Variants in HMOX1 observed in about 807,000 individuals in gnomAD.
The protein encoded by HMOX1 is heme oxygenase 1, also known as heat shock protein, 32-kD.
HMOX1 carries 22 observed loss-of-function variants against 27.8 expected under a neutral mutation model. The ratio of observed to expected loss-of-function variants is 0.79; its 90% CI spans 0.57 to 1.13. The LOEUF is 1.13. HMOX1 is among the 50% of genes most tolerant of loss of function. The pLI is 0.00. For missense variants in HMOX1, 379 were observed against 377.7 expected (o/e 1.00, Z -0.03); for synonymous variants, 153 against 151.6 (o/e 1.01, Z -0.07).
At chr22:35,381,292 A>G in intron 1 of HMOX1, 96 bp downstream of exon 1, 2 of 1,408,430 alleles carry the variant, frequency 1.4e-6, no homozygotes, top group Non-Finnish European at 1.9e-6. Context: ...ACAGCGACAG[A>G]GCCCAGGAGC....
chr22:35,382,102 G>A (rs1931398649), intron 1 of HMOX1, among the ~76,000 whole-genome samples: 2 of 152,082 alleles, frequency 1.3e-5, no homozygotes, highest in Non-Finnish European at 1.5e-5. Flanking sequence ...ATTAAATATT[G>A]GGTCTAAAAG....
chr22:35,388,694 G>A (rs1309978721), intron 3 of HMOX1, among the ~76,000 whole-genome samples: 1 of 152,034 alleles, frequency 6.6e-6, no homozygotes, highest in Non-Finnish European at 1.5e-5. Flanking sequence ...CTACTCAGGA[G>A]GCTGAGGCAG....
rs867711965 is a variant in HMOX1 at position 35,382,715 on chromosome 22, C to T, written c.24-391C>T. ...AGATGGAGTCTCTCTGTCACCAAGT[C>T]TGGAGTGCAGTGGTGTGATCTCAGC... On this transcript the variant is annotated intron_variant, in intron 1 of 4. Transcript: ENST00000216117. Among the ~76,000 whole-genome samples, 6 of 149,892 alleles carry T rather than the reference C, an allele frequency of 4.0e-5. No individual in the cohort carries two copies. In the Middle Eastern group the frequency reaches 0.018, roughly 443 times the overall value.
Position 35,381,118 on chromosome 22 carries a change from T to G in HMOX1, c.-56T>G. The G allele has an allele frequency of 2.0e-6, 3 of 1,534,644 alleles. No individual in the cohort carries two copies. In the Admixed American group the frequency reaches 5.9e-5, roughly 30 times the overall value. On this transcript the variant is annotated 5_prime_UTR_variant, in exon 1 of 5. Transcript: ENST00000216117. The stretch of plus-strand genomic sequence containing the variant: ...GTCAACGCCTGCCTCCTCTCGAGCG[T>G]CCTCAGCGCAGCCGCCGCCCGCGGA...
chr22:35,386,232 A>G (rs1335008843), intron 2 of HMOX1, among the ~76,000 whole-genome samples: 1 of 152,094 alleles, frequency 6.6e-6, no homozygotes, highest in Non-Finnish European at 1.5e-5. Context: ...CTGGGATTAC[A>G]GGCGTGAGCC....
intron 1 of HMOX1, among the ~76,000 whole-genome samples, chr22:35,382,123 C>T (rs1231562223): frequency 6.6e-6 from 1 of 152,068 alleles, no homozygotes; most frequent in Admixed American, 6.6e-5. Flanking sequence ...CCAATCAAAG[C>T]AATTACAAAC....
At chr22:35,389,213 CTCTCTT>C (rs1569057048) in intron 3 of HMOX1, among the ~76,000 whole-genome samples, 7 of 123,254 alleles carry the variant, frequency 5.7e-5, no homozygotes, top group East Asian at 2.3e-4. Context: ...TTCTTTCTTT[CTCTCTT>C]TCTTTCTTTC....
rs1206028066 is a variant in HMOX1 at position 35,393,693 on chromosome 22, G to A, written c.*95G>A. The A allele has an allele frequency of 3.4e-6, 5 of 1,490,264 alleles. No individual in the cohort carries two copies. The Admixed American group carries it at 5.0e-5, about 15-fold the overall frequency. 92.3% of individuals were successfully genotyped at this position (1,490,264 alleles called of 1,614,324 possible). A position where few individuals can be genotyped will look rare whatever the true frequency, so the allele number is the denominator to read the frequency against. On this transcript the variant is annotated 3_prime_UTR_variant, in exon 5 of 5. Coordinates refer to ENST00000216117, the MANE Select transcript of HMOX1 (RefSeq NM_002133.3). ...TCTCTTGGCTGGCTTCCTTACCGTG[G>A]GCACTGAAGGCTTTCAGGGCCTCCA...
chr22:35,381,342 G>A, intron 1 of HMOX1, 146 bp downstream of exon 1: 1 of 901,076 alleles, frequency 1.1e-6, no homozygotes, highest in Non-Finnish European at 1.7e-6. Context: ...GCGGGGTTCT[G>A]ATCCTGCCTG....
At chr22:35,381,594 C>T (rs1408451144) in intron 1 of HMOX1, among the ~76,000 whole-genome samples, 1 of 152,042 alleles carries the variant, frequency 6.6e-6, no homozygotes, top group Non-Finnish European at 1.5e-5. Flanking sequence ...TCACTAGCTA[C>T]GGAGGACCTG....
At chr22:35,393,352 C>CG in intron 4 of HMOX1, 116 bp from the exon 5 acceptor site, 1 of 1,255,364 alleles carries the variant, frequency 8.0e-7, no homozygotes, top group Non-Finnish European at 1.2e-6. Flanking sequence ...AGAATCCTGG[C>CG]GTTGGGCAGT....
At chr22:35,383,359 G>T in intron 2 of HMOX1, 133 bp downstream of exon 2, 1 of 1,028,232 alleles carries the variant, frequency 9.7e-7, no homozygotes, top group Non-Finnish European at 1.4e-6. Flanking sequence ...TCTTAAAAAT[G>T]ATGACACTGA....
intron 3 of HMOX1, among the ~76,000 whole-genome samples, chr22:35,389,311 CTT>C (rs761113403): frequency 0.013 from 1,599 of 121,370 alleles, 126 homozygotes; most frequent in Non-Finnish European, 0.018. Flanking sequence ...TTCTTTCTTT[CTT>C]TCTTTCTTCT....
intron 2 of HMOX1, among the ~76,000 whole-genome samples, chr22:35,385,973 T>G (rs1230816216): frequency 6.6e-6 from 1 of 151,032 alleles, no homozygotes; most frequent in Admixed American, 6.6e-5. Context: ...TTTATTTTTT[T>G]GAGACAGAAT....
intron 2 of HMOX1, among the ~76,000 whole-genome samples, chr22:35,383,817 T>C (rs1395657065): frequency 6.6e-6 from 1 of 152,204 alleles, no homozygotes; most frequent in Admixed American, 6.5e-5. Context: ...ACAGCAGGGT[T>C]TTCTTAAGCA....
Position 35,389,942 on chromosome 22 carries a change from C to T in HMOX1, c.715C>T (p.Arg239Trp), listed in dbSNP as rs374813554. The T allele has an allele frequency of 4.0e-5, 64 of 1,611,032 alleles. No individual in the cohort carries two copies. The highest frequency in any genetic ancestry group is 5.5e-5 in the South Asian group (5 of 90,672). Residue 239 changes from arginine (R) to tryptophan (W), a missense_variant, in exon 4 of 5, where the codon CGG becomes TGG. Coordinates refer to ENST00000216117, the MANE Select transcript of HMOX1 (RefSeq NM_002133.3). ...SPSRAPGLRQ[R>W]ASNKVQDSAP... is the part of the protein sequence containing the mutation. ...CTCACGGGCACCAGGGCTTCGCCAG[C>T]GGGCCAGCAACAAAGTGCAAGGTGA...
At chr22:35,385,676 C>T (rs1416486375) in intron 2 of HMOX1, among the ~76,000 whole-genome samples, 6 of 143,172 alleles carry the variant, frequency 4.2e-5, no homozygotes, top group Non-Finnish European at 8.9e-5. Flanking sequence ...AGCGCAATGG[C>T]GTGATCTCGG....
At chr22:35,389,395 C>CCTTCCTTTCTTTCTTTCTTTCTTT (rs1555901604) in intron 3 of HMOX1, among the ~76,000 whole-genome samples, 4 of 51,808 alleles carry the variant, frequency 7.7e-5, no homozygotes, top group Non-Finnish European at 1.4e-4. Flanking sequence ...TTCCTTCCTT[C>CCTTCCTTTCTTTCTTTCTTTCTTT]CTTTCTTTCT....
At chr22:35,388,853 C>T (rs544386540) in intron 3 of HMOX1, among the ~76,000 whole-genome samples, 2 of 151,978 alleles carry the variant, frequency 1.3e-5, no homozygotes, top group Admixed American at 1.3e-4. Context: ...CTGGATCAGT[C>T]CTTGGGCAAA....
Sources: allele counts gnomAD v4.1 joint callset (sites outside exome capture counted in the v4.1 genomes callset), GRCh38; gene constraint gnomAD v4.1.1; transcripts MANE v1.5; gene names NCBI Gene and HGNC (gene_info 2026-07-23, HGNC 2026-07-21).